WNT8A: variants seen among roughly 807,000 people sequenced by gnomAD.
WNT8A encodes Wnt family member 8A.
Under a neutral mutation model 20.5 loss-of-function variants are expected in WNT8A, and 14 were observed. That is an observed-to-expected ratio of 0.68 (90% CI 0.45 to 1.07). The LOEUF is 1.07. Ranked by LOEUF, WNT8A falls within the 50% of genes least tolerant of loss-of-function variation. The pLI is 0.00. For synonymous variants in WNT8A, 167 were observed against 169.2 expected (o/e 0.99, Z 0.10); for missense variants, 397 against 462.9 (o/e 0.86, Z 1.31).
At chr5:138,087,221 GT>G (rs1299386309) in intron 2 of WNT8A, among the ~76,000 whole-genome samples, 2 of 149,382 alleles carry the variant, frequency 1.3e-5, no homozygotes, top group Non-Finnish European at 3.0e-5. Context: ...GCTGGGGGTG[GT>G]GGCATGTACC....
chr5:138,084,728 A>G, intron 2 of WNT8A, 92 bp downstream of exon 2: 2 of 1,403,332 alleles, frequency 1.4e-6, no homozygotes, highest in Non-Finnish European at 1.9e-6. Context: ...TGTATTGCAC[A>G]GTGAAATAAA....
upstream of WNT8A, among the ~76,000 whole-genome samples, chr5:138,081,474 A>C (rs1254491320): frequency 6.6e-6 from 1 of 152,092 alleles, no homozygotes; most frequent in Non-Finnish European, 1.5e-5. Flanking sequence ...ACTTCCTCGG[A>C]GCTATCACTA....
chr5:138,086,105 C>A (rs187301030), intron 2 of WNT8A, among the ~76,000 whole-genome samples: 2 of 152,274 alleles, frequency 1.3e-5, no homozygotes. Flanking sequence ...TGCCTAAAGA[C>A]TAGCAGCAGT....
chr5:138,083,697 C>G (rs1207380868), upstream of WNT8A, among the ~76,000 whole-genome samples: 2 of 152,204 alleles, frequency 1.3e-5, no homozygotes, highest in Non-Finnish European at 2.9e-5. Flanking sequence ...AATAGGTGAC[C>G]TGCCTTCAGG....
chr5:138,091,531 TG>T lies in WNT8A; in HGVS notation c.*459del. The T allele has an allele frequency of 7.7e-7, 1 of 1,305,450 alleles. No homozygotes were observed. The highest frequency in any genetic ancestry group is 1.0e-6 in the Non-Finnish European group (1 of 995,338). 80.9% of individuals were successfully genotyped at this position (1,305,450 alleles called of 1,614,324 possible). A position where few individuals can be genotyped will look rare whatever the true frequency, so the allele number is the denominator to read the frequency against. ...GCAGCCTGTGGCTACAAATCTATGC[TG>T]ATAAATGAGGTAAAGACCACATATC... is the stretch of plus-strand genomic sequence containing the variant. On this transcript the variant is annotated 3_prime_UTR_variant, in exon 5 of 5. Coordinates refer to ENST00000506684, the MANE Select transcript of WNT8A (RefSeq NM_001300939.2).
Position 138,084,174 on chromosome 5 carries a change from C to A in WNT8A, c.47C>A (p.Thr16Asn), listed in dbSNP as rs1311351562. ...CTCTGCCTGGTAAGTCCTTTCCCAA[C>A]CCTCACTCCTTGCCAAGGAGGCCCC... ...QCLCLVSPFP[T>N]LTPCQGGPHC... Residue 16 changes from threonine to asparagine, a missense_variant, in exon 1 of 5, where the codon ACC (threonine) becomes AAC (asparagine). Thr to Asn is a moderately conservative substitution (Grantham distance 65). Transcript: ENST00000506684. 1.2e-6 allele frequency: 2 copies of A among 1,614,086 alleles called. No individual in the cohort carries two copies. The highest frequency in any genetic ancestry group is 1.7e-5 in the Admixed American group (1 of 59,998).
chr5:138,084,464 G>A (rs563889323), intron 1 of WNT8A, 34 bp from the exon 2 acceptor site: 129 of 1,575,416 alleles, frequency 8.2e-5, no homozygotes, highest in Non-Finnish European at 6.3e-5. Context: ...GACCCATACC[G>A]GGCAGAAGCT....
At chr5:138,083,554 G>A (rs1040968810), upstream of WNT8A, among the ~76,000 whole-genome samples, 3 of 152,172 alleles carry the variant, frequency 2.0e-5, no homozygotes, top group Non-Finnish European at 4.4e-5. Flanking sequence ...TAGGGATGGC[G>A]CACTCACTGG....
At position 138,084,106 on chromosome 5, in the gene WNT8A, T is replaced by TGCTCTGGGCA. The variant is rs758500581; in HGVS notation, c.-11_-2dup. 1.9e-6 allele frequency: 3 copies of TGCTCTGGGCA among 1,613,954 alleles called. No individual in the cohort carries two copies. Among genetic ancestry groups the TGCTCTGGGCA allele is most frequent in the African/African-American group, 2.7e-5 (2 of 75,048 alleles). On this transcript the variant is annotated 5_prime_UTR_variant, in exon 1 of 5. Coordinates refer to ENST00000506684, the MANE Select transcript of WNT8A (RefSeq NM_001300939.2). Reference sequence around the variant, plus strand: ...GGCAGGGCGATGGGGAACCTGTTTATGCTCTGGGCAGCTCTGGGCATATGC... The same window carrying TGCTCTGGGCA: ...GGCAGGGCGATGGGGAACCTGTTTATGCTCTGGGCAGCTCTGGGCAGCTCTGGGCATATGC...
intron 2 of WNT8A, among the ~76,000 whole-genome samples, chr5:138,086,629 G>A (rs1750670998): frequency 6.6e-6 from 1 of 152,084 alleles, no homozygotes; most frequent in Non-Finnish European, 1.5e-5. Flanking sequence ...TTGGCTGGAT[G>A]CAGTGGCTCA....
chr5:138,090,663 C>A lies in WNT8A; in HGVS notation c.700C>A (p.Leu234Met). ...DYLKAKYDQA[L>M]KIEMDKRQLR... ...CCTAAAGGCCAAGTATGACCAGGCG[C>A]TGAAAATTGAAATGGATAAGCGGCA... Residue 234 changes from leucine (L) to methionine (M), a missense_variant, in exon 5 of 5, where the codon CTG (leucine) becomes ATG (methionine). Transcript: ENST00000506684. 1 of 1,614,226 alleles carries A rather than the reference C, an allele frequency of 6.2e-7. No individual in the cohort carries two copies. Among genetic ancestry groups the A allele is most frequent in the South Asian group, 1.1e-5 (1 of 91,086 alleles).
chr5:138,090,535 G>C lies in WNT8A; in HGVS notation c.572G>C (p.Arg191Thr), dbSNP rs1176899663. ...HNNRAGRLAV[R>T]ATMKRTCKCH... ...TGTGTTCTCTCTATGAAGGCAGTGA[G>C]AGCCACCATGAAAAGGACATGCAAA... Residue 191 changes from arginine to threonine, a missense_variant, in exon 5 of 5, where the codon AGA (arginine) becomes ACA (threonine). Physicochemically the swap from Arg to Thr is moderately conservative, Grantham distance 71. Transcript: ENST00000506684. The C allele has an allele frequency of 2.5e-6, 4 of 1,613,758 alleles. No homozygotes were observed. Among genetic ancestry groups the C allele is most frequent in the Non-Finnish European group, 3.4e-6 (4 of 1,179,846 alleles).
chr5:138,077,877 AG>A, the WNT8A span, among the ~76,000 whole-genome samples: 19 of 152,206 alleles, frequency 1.2e-4, no homozygotes, highest in Non-Finnish European at 2.4e-4. Flanking sequence ...GATTGATGAA[AG>A]AAACATACTT....
At chr5:138,077,423 G>T in the WNT8A span, among the ~76,000 whole-genome samples, 1 of 152,142 alleles carries the variant, frequency 6.6e-6, no homozygotes, top group African/African-American at 2.4e-5. Context: ...AGACCAGAAT[G>T]AGAGCTTCTA....
rs761624264 is a variant in WNT8A, at chr5:138,090,780, T to C, written c.817T>C (p.Ser273Pro). 3.1e-6 allele frequency: 5 copies of C among 1,614,186 alleles called. No homozygotes were observed. The South Asian group carries it at 5.5e-5, about 18-fold the overall frequency. Residue 273 changes from serine to proline, a missense_variant, in exon 5 of 5, where the codon TCA (serine) becomes CCA (proline). Coordinates refer to ENST00000506684, the MANE Select transcript of WNT8A (RefSeq NM_001300939.2). ...AEAELIFLEE[S>P]PDYCTCNSSL... Reference sequence around the variant, plus strand: ...GGCGGAACTGATCTTTTTAGAGGAATCACCAGATTACTGTACCTGCAATTC... The same window carrying C: ...GGCGGAACTGATCTTTTTAGAGGAACCACCAGATTACTGTACCTGCAATTC...
chr5:138,083,884 G>A (rs576445597), upstream of WNT8A: 91 of 491,442 alleles, frequency 1.9e-4, 1 homozygote, highest in African/African-American at 1.2e-3. Flanking sequence ...GGCTTTTGGC[G>A]AAAACTGAGT....
Position 138,084,296 on chromosome 5 carries a change from C to T in WNT8A, c.156+13C>T, listed in dbSNP as rs1290345050. ...AACAGGTCCCAAGGTAGGATGATCT[C>T]CAGCTTCTGTTTTTACCCACTGAGG... On this transcript the variant is annotated intron_variant, in intron 1 of 4. Coordinates refer to ENST00000506684, the MANE Select transcript of WNT8A (RefSeq NM_001300939.2). 11 of 1,613,764 alleles carry T rather than the reference C, an allele frequency of 6.8e-6. No individual in the cohort carries two copies. The highest frequency in any genetic ancestry group is 9.3e-6 in the Non-Finnish European group (11 of 1,179,786).
rs773640046 is a variant in WNT8A at position 138,091,311 on chromosome 5, C to T, written c.*238C>T. ...GCAGACCCCCATTTCATCTTTCCTG[C>T]AAACTACTTTCCCATCTTTGTGCCT... On this transcript the variant is annotated 3_prime_UTR_variant, in exon 5 of 5. Transcript: ENST00000506684. The T allele has an allele frequency of 1.0e-5, 16 of 1,524,582 alleles. No homozygotes were observed. In the South Asian group the frequency reaches 1.5e-4, roughly 14 times the overall value. The allele number at this position is 1,524,582 out of a possible 1,614,324, so 94.4% of individuals were successfully genotyped here.
chr5:138,079,346 A>T (rs13175918), upstream of WNT8A, among the ~76,000 whole-genome samples: 7 of 112,032 alleles, frequency 6.2e-5, no homozygotes, highest in South Asian at 3.0e-4. Flanking sequence ...TAATTATATA[A>T]TAATTATATA....
Sources: allele counts gnomAD v4.1 joint callset (sites outside exome capture counted in the v4.1 genomes callset), GRCh38; gene constraint gnomAD v4.1.1; transcripts MANE v1.5; gene names NCBI Gene and HGNC (gene_info 2026-07-23, HGNC 2026-07-21).